The following PREX1 variants were observed in gnomAD, a reference collection of about 807,000 sequenced individuals.
PREX1 encodes the protein phosphatidylinositol-3,4,5-trisphosphate dependent Rac exchange factor 1, also known as phosphatidylinositol 3,4,5-trisphosphate-dependent Rac exchanger 1 protein.
PREX1 carries 41 observed loss-of-function variants against 198.3 expected under a neutral mutation model. That is an observed-to-expected ratio of 0.21 (90% CI 0.16 to 0.27). PREX1 has a LOEUF of 0.27. PREX1 is among the 10% of genes least tolerant of loss of function. The pLI, the probability that PREX1 is intolerant of heterozygous loss-of-function variation, is 1.00. For synonymous variants in PREX1, 843 were observed against 887.2 expected (o/e 0.95, Z 0.89); for missense variants, 1,620 against 2,200.7 (o/e 0.74, Z 5.28).
chr20:48,679,721 AC>A lies in PREX1; in HGVS notation c.1468del (p.Val490Ter). On this transcript the variant is annotated frameshift_variant, in exon 12 of 40. Coordinates refer to ENST00000371941, the MANE Select transcript of PREX1 (RefSeq NM_020820.4). LOFTEE classifies it high-confidence loss of function. ...SDKHQFKNEQ[V>X]MYRFRYDDGT... The stretch of plus-strand genomic sequence containing the variant: ...ATCGTCGTAGCGGAAGCGATACATC[AC>A]CTGCTCATTCTTGAACTGGTGCTTG... The A allele has an allele frequency of 6.2e-7, 1 of 1,613,672 alleles. No homozygotes were observed. Among genetic ancestry groups the A allele is most frequent in the Non-Finnish European group, 8.5e-7 (1 of 1,179,634 alleles).
intron 26 of PREX1, among the ~76,000 whole-genome samples, chr20:48,645,143 C>T (rs906661961): frequency 1.1e-4 from 17 of 152,196 alleles, no homozygotes; most frequent in Admixed American, 7.2e-4. Flanking sequence ...GATCCCTTGA[C>T]GACTGGAAGA....
intron 1 of PREX1, among the ~76,000 whole-genome samples, chr20:48,806,563 T>C (rs1163758014): frequency 1.3e-5 from 2 of 152,230 alleles, no homozygotes; most frequent in Admixed American, 6.5e-5. Context: ...ACAATGATCC[T>C]AGAAGGAAGG....
intron 25 of PREX1, among the ~76,000 whole-genome samples, chr20:48,646,385 A>G (rs553585592): frequency 6.6e-6 from 1 of 152,330 alleles, no homozygotes; most frequent in East Asian, 1.9e-4. Context: ...CACCTTGTTT[A>G]AAAATGAAAA....
At chr20:48,810,409 C>A (rs982551661) in intron 1 of PREX1, among the ~76,000 whole-genome samples, 2 of 151,588 alleles carry the variant, frequency 1.3e-5, no homozygotes, top group Admixed American at 6.6e-5. Flanking sequence ...ATAGTGAGAC[C>A]CTTATCTCTA....
intron 6 of PREX1, among the ~76,000 whole-genome samples, chr20:48,701,398 G>GA (rs1357310114): frequency 6.6e-6 from 1 of 152,056 alleles, no homozygotes; most frequent in African/African-American, 2.4e-5. Context: ...TTTTTTAGAA[G>GA]AGACAGGGTT....
intron 3 of PREX1, among the ~76,000 whole-genome samples, chr20:48,741,012 A>ATT (rs568732282): frequency 2.0e-5 from 3 of 147,062 alleles, no homozygotes; most frequent in Non-Finnish European, 3.0e-5. Flanking sequence ...AAGTGAATCA[A>ATT]TTTTTTTTTT....
chr20:48,691,701 G>T lies in PREX1; in HGVS notation c.1037-605C>A, dbSNP rs1015555335. On this transcript the variant is annotated intron_variant, in intron 8 of 39. Coordinates refer to ENST00000371941, the MANE Select transcript of PREX1 (RefSeq NM_020820.4). This position sits in a 1 kb window ranked among gnomAD's most constrained non-coding sequence, Gnocchi z 5.0. ...TCACATGAGCCATCAGTGACTGCAT[G>T]ACTGTGAGTGGTGGCAACAGGCCAA... 2.6e-5 allele frequency among the ~76,000 whole-genome samples: 4 copies of T among 152,232 alleles called. No individual in the cohort carries two copies. Among genetic ancestry groups the T allele is most frequent in the Non-Finnish European group, 5.9e-5 (4 of 68,044 alleles).
At chr20:48,671,693 G>A (rs2089676374) in intron 14 of PREX1, among the ~76,000 whole-genome samples, 1 of 152,212 alleles carries the variant, frequency 6.6e-6, no homozygotes, top group East Asian at 1.9e-4. Flanking sequence ...AAGACGGGCT[G>A]TAACCACACT....
intron 3 of PREX1, among the ~76,000 whole-genome samples, chr20:48,740,729 A>G (rs531225344): frequency 6.6e-6 from 1 of 152,238 alleles, no homozygotes; most frequent in African/African-American, 2.4e-5. Flanking sequence ...TAAAAAGATG[A>G]TTTTAAATTA....
At chr20:48,770,168 C>T (rs1227990410) in intron 1 of PREX1, among the ~76,000 whole-genome samples, 1 of 152,150 alleles carries the variant, frequency 6.6e-6, no homozygotes, top group Non-Finnish European at 1.5e-5. Context: ...GGGTCTGATG[C>T]CCAGGAAGCG....
intron 35 of PREX1, among the ~76,000 whole-genome samples, chr20:48,631,321 T>C (rs1052885499): frequency 3.3e-5 from 5 of 152,192 alleles, no homozygotes; most frequent in Non-Finnish European, 1.5e-5. Context: ...TAATAAAACT[T>C]TATTTACAAA....
At chr20:48,751,918 C>G (rs760519355) in intron 1 of PREX1, among the ~76,000 whole-genome samples, 1 of 152,208 alleles carries the variant, frequency 6.6e-6, no homozygotes, top group Non-Finnish European at 1.5e-5. Flanking sequence ...TTTGGCAAAT[C>G]TTAATACTAC....
At chr20:48,847,399 A>G in the PREX1 span, among the ~76,000 whole-genome samples, 1 of 149,712 alleles carries the variant, frequency 6.7e-6, no homozygotes. Context: ...CCCTCCCCAA[A>G]TGACTAATAA....
the PREX1 span, among the ~76,000 whole-genome samples, chr20:48,840,430 C>CATGA: frequency 6.6e-6 from 1 of 152,150 alleles, no homozygotes; most frequent in Non-Finnish European, 1.5e-5. Context: ...GAAGCAATGC[C>CATGA]ATGATGAACC....
chr20:48,886,570 T>G, the PREX1 span, among the ~76,000 whole-genome samples: 1 of 152,112 alleles, frequency 6.6e-6, no homozygotes, highest in Non-Finnish European at 1.5e-5. Context: ...CATGGTGGTG[T>G]TTTTAAAGAA....
At chr20:48,761,760 T>C (rs2090181544) in intron 1 of PREX1, among the ~76,000 whole-genome samples, 1 of 152,170 alleles carries the variant, frequency 6.6e-6, no homozygotes, top group Admixed American at 6.5e-5. Flanking sequence ...CAGAGCCTCC[T>C]CTACATGATG....
intron 5 of PREX1, among the ~76,000 whole-genome samples, chr20:48,725,317 T>C (rs2090004951): frequency 6.6e-6 from 1 of 152,222 alleles, no homozygotes; most frequent in African/African-American, 2.4e-5. Context: ...CCAATAGCCA[T>C]TTTGTTCAGC....
chr20:48,780,628 T>A (rs766320734), intron 1 of PREX1, among the ~76,000 whole-genome samples: 2 of 152,098 alleles, frequency 1.3e-5, no homozygotes, highest in Non-Finnish European at 2.9e-5. Flanking sequence ...ATAATATAAA[T>A]AATGGAATGA....
Position 48,700,745 on chromosome 20 carries a change from C to G in PREX1, c.917+8G>C. The G allele has an allele frequency of 6.2e-7, 1 of 1,612,678 alleles. No homozygotes were observed. The highest frequency in any genetic ancestry group is 8.5e-7 in the Non-Finnish European group (1 of 1,179,948). On this transcript the variant is annotated splice_region_variant and intron_variant, in intron 7 of 39. Transcript: ENST00000371941. ...GCCAGACCCCATCCCAGCCTCCTGG[C>G]CACTCACCTGGATTTCCGCTTGCAG...
Sources: gnomAD v4.1 joint callset for allele counts (sites outside exome capture counted in the v4.1 genomes callset) on GRCh38, gnomAD v4.1.1 for gene constraint, Gnocchi (gnomAD v3.1) non-coding constraint, MANE v1.5 for transcripts, NCBI Gene and HGNC (gene_info 2026-07-23, HGNC 2026-07-21) for gene names.